SMYD3: variants seen among roughly 807,000 people sequenced by gnomAD.
SMYD3 encodes histone-lysine N-methyltransferase SMYD3.
Under a neutral mutation model 57.7 loss-of-function variants are expected in SMYD3, and 36 were observed. The observed-to-expected ratio is 0.62, with a 90% CI of 0.48 to 0.82. The LOEUF is 0.82. SMYD3 is among the 40% of genes least tolerant of loss of function. The pLI is 0.00. For synonymous variants in SMYD3, 211 were observed against 195.0 expected (o/e 1.08, Z -0.68); for missense variants, 515 against 538.8 (o/e 0.96, Z 0.44).
chr1:246,006,425 G>GT (rs2059169967), intron 5 of SMYD3, among the ~76,000 whole-genome samples: 1 of 152,072 alleles, frequency 6.6e-6, no homozygotes, highest in Non-Finnish European at 1.5e-5. Context: ...GGGGAACTGG[G>GT]ACGTGCTCCC....
intron 1 of SMYD3, among the ~76,000 whole-genome samples, chr1:246,396,083 G>A (rs1278252102): frequency 1.3e-5 from 2 of 152,076 alleles, no homozygotes; most frequent in African/African-American, 4.8e-5. Flanking sequence ...ATGAGAGTGA[G>A]GGTCACTATA....
chr1:245,887,541 C>T lies in SMYD3; in HGVS notation c.814-23655G>A, dbSNP rs191066311. Reference sequence around the variant, plus strand: ...TTCTCTTGGGGTCTGGATTGGGACCCCTTTTCCAGTAACATCCCCAGACTG... The same window carrying T: ...TTCTCTTGGGGTCTGGATTGGGACCTCTTTTCCAGTAACATCCCCAGACTG... On this transcript the variant is annotated intron_variant, in intron 8 of 11. Transcript: ENST00000490107. Among the ~76,000 whole-genome samples, 7 of 152,272 alleles carry T rather than the reference C, an allele frequency of 4.6e-5. No individual in the cohort carries two copies. In the East Asian group the frequency reaches 1.4e-3, roughly 29 times the overall value.
chr1:246,002,396 G>C lies in SMYD3; in HGVS notation c.532-72459C>G, dbSNP rs112605135. ...AGACGGGGTTTCACCGTGTTAGCCAGGATGGTCTCGATCTCCTGACCTCGT... is the reference window on the plus strand; with the variant it reads ...AGACGGGGTTTCACCGTGTTAGCCACGATGGTCTCGATCTCCTGACCTCGT... On this transcript the variant is annotated intron_variant, in intron 5 of 11. Coordinates refer to ENST00000490107, the MANE Select transcript of SMYD3 (RefSeq NM_001167740.2). Among the ~76,000 whole-genome samples the C allele has an allele frequency of 3.6e-4, 18 of 49,504 alleles. 4 individuals are homozygous for C. Among genetic ancestry groups the C allele is most frequent in the Admixed American group, 1.6e-3 (6 of 3,766 alleles). The allele number at this position is 49,504 out of a possible 152,430, so 32.5% of individuals were successfully genotyped here. A position where few individuals can be genotyped will look rare whatever the true frequency, so the allele number is the denominator to read the frequency against.
At chr1:246,217,168 C>T (rs1301333126) in intron 5 of SMYD3, among the ~76,000 whole-genome samples, 1 of 151,984 alleles carries the variant, frequency 6.6e-6, no homozygotes, top group African/African-American at 2.4e-5. Context: ...AACCTCAAGC[C>T]CAGAAATTAA....
chr1:246,419,344 T>C (rs1184737745), intron 1 of SMYD3, among the ~76,000 whole-genome samples: 1 of 152,224 alleles, frequency 6.6e-6, no homozygotes, highest in African/African-American at 2.4e-5. Context: ...TCTCTTCACA[T>C]GGACACGTGT....
At chr1:245,867,651 TGCGTGTGCGTGC>T (rs1223439765) in intron 8 of SMYD3, among the ~76,000 whole-genome samples, 60 of 144,708 alleles carry the variant, frequency 4.1e-4, no homozygotes, top group Non-Finnish European at 7.6e-4. Flanking sequence ...TGCATGCGCG[TGCGTGTGCGTGC>T]GCGCGCACAC....
intron 5 of SMYD3, among the ~76,000 whole-genome samples, chr1:246,004,313 C>G (rs1252860626): frequency 6.6e-6 from 1 of 152,176 alleles, no homozygotes; most frequent in Non-Finnish European, 1.5e-5. Flanking sequence ...TTCCAAGATT[C>G]TGATACCGCT....
At chr1:246,276,460 G>T (rs11487714) in intron 5 of SMYD3, among the ~76,000 whole-genome samples, 10,686 of 96,312 alleles carry the variant, frequency 0.11, 664 homozygotes, top group East Asian at 0.34. Context: ...ATTAACACTG[G>T]CAGGTTATTT....
At chr1:246,038,171 A>G (rs769580490) in intron 5 of SMYD3, among the ~76,000 whole-genome samples, 2 of 152,168 alleles carry the variant, frequency 1.3e-5, no homozygotes, top group Non-Finnish European at 2.9e-5. Flanking sequence ...TTAGTTTTTT[A>G]CTTGTCTTAT....
chr1:246,262,262 T>C (rs2064025856), intron 5 of SMYD3, among the ~76,000 whole-genome samples: 1 of 152,152 alleles, frequency 6.6e-6, no homozygotes, highest in South Asian at 2.1e-4. Flanking sequence ...ATAAAGCAAA[T>C]AGAAGAACAA....
At chr1:245,806,241 A>G (rs1343663066) in intron 10 of SMYD3, among the ~76,000 whole-genome samples, 1 of 152,266 alleles carries the variant, frequency 6.6e-6, no homozygotes, top group African/African-American at 2.4e-5. Flanking sequence ...AAAATATACC[A>G]GAAGTAAAAA....
chr1:246,243,126 G>C (rs10924610), intron 5 of SMYD3, among the ~76,000 whole-genome samples: 31,408 of 151,770 alleles, frequency 0.21, 3,948 homozygotes, highest in East Asian at 0.58. Flanking sequence ...ACAGAACTCT[G>C]CACCCCAAAT....
At chr1:246,290,351 T>G (rs1322754966) in intron 5 of SMYD3, among the ~76,000 whole-genome samples, 1 of 152,128 alleles carries the variant, frequency 6.6e-6, no homozygotes, top group Non-Finnish European at 1.5e-5. Flanking sequence ...CTCATTTCAC[T>G]AGACAAGAGA....
intron 10 of SMYD3, among the ~76,000 whole-genome samples, chr1:245,795,945 C>G (rs993971907): frequency 9.9e-5 from 15 of 152,170 alleles, no homozygotes; most frequent in African/African-American, 3.6e-4. Flanking sequence ...CTTAGTAACC[C>G]TATCTCCCAA....
chr1:246,241,005 G>A (rs983935096), intron 5 of SMYD3, among the ~76,000 whole-genome samples: 2 of 152,092 alleles, frequency 1.3e-5, no homozygotes, highest in Admixed American at 6.5e-5. Flanking sequence ...AGACAATGGG[G>A]TTTTCTAAAT....
intron 5 of SMYD3, among the ~76,000 whole-genome samples, chr1:246,196,719 T>C (rs1416809904): frequency 6.6e-6 from 1 of 152,166 alleles, no homozygotes; most frequent in Non-Finnish European, 1.5e-5. Flanking sequence ...AATAGTTGCT[T>C]AGTATAGCAG....
At chr1:245,961,964 G>A (rs776127634) in intron 5 of SMYD3, among the ~76,000 whole-genome samples, 2 of 152,118 alleles carry the variant, frequency 1.3e-5, no homozygotes, top group Admixed American at 6.5e-5. Flanking sequence ...TGATTTCCAC[G>A]GTAACCCTGT....
At chr1:246,248,581 G>A (rs2063745458) in intron 5 of SMYD3, among the ~76,000 whole-genome samples, 1 of 149,144 alleles carries the variant, frequency 6.7e-6, no homozygotes, top group Non-Finnish European at 1.5e-5. Context: ...AAGTCTGAGT[G>A]TAGCTCCATC....
At chr1:246,091,183 G>T (rs940755238) in intron 5 of SMYD3, among the ~76,000 whole-genome samples, 2 of 152,156 alleles carry the variant, frequency 1.3e-5, no homozygotes, top group Non-Finnish European at 2.9e-5. Flanking sequence ...TGGGTTGCTG[G>T]GCATGTTGGC....
Sources: gnomAD v4.1 joint callset for allele counts (sites outside exome capture counted in the v4.1 genomes callset) on GRCh38, gnomAD v4.1.1 for gene constraint, MANE v1.5 for transcripts, NCBI Gene and HGNC (gene_info 2026-07-23, HGNC 2026-07-21) for gene names.